CAMKMT: variants seen among roughly 807,000 people sequenced by gnomAD.
CAMKMT encodes the protein CaM KMT.
In CAMKMT, 53 loss-of-function variants were observed where a neutral mutation model predicts 48.0. That is an observed-to-expected ratio of 1.10 (90% CI 0.89 to 1.39). CAMKMT has a LOEUF of 1.39. CAMKMT is among the 40% of genes most tolerant of loss of function. CAMKMT has a pLI of 0.00. For missense variants in CAMKMT, 428 were observed against 402.7 expected (o/e 1.06, Z -0.54); for synonymous variants, 165 against 152.3 (o/e 1.08, Z -0.61).
chr2:44,626,805 C>T (rs1558754388), intron 3 of CAMKMT, among the ~76,000 whole-genome samples: 1 of 152,152 alleles, frequency 6.6e-6, no homozygotes, highest in African/African-American at 2.4e-5. Flanking sequence ...TTGCACGAGA[C>T]CATGTCCTGT....
At chr2:44,488,687 C>T (rs1203999673) in intron 3 of CAMKMT, among the ~76,000 whole-genome samples, 2 of 151,402 alleles carry the variant, frequency 1.3e-5, no homozygotes, top group African/African-American at 2.4e-5. Flanking sequence ...GGGTGACAAG[C>T]GAGATCCTCT....
At chr2:44,468,369 A>G (rs1429157000) in intron 3 of CAMKMT, among the ~76,000 whole-genome samples, 1 of 152,212 alleles carries the variant, frequency 6.6e-6, no homozygotes, top group Non-Finnish European at 1.5e-5. Context: ...TGGTGAGGAT[A>G]CAGAGAAGGG....
intron 8 of CAMKMT, among the ~76,000 whole-genome samples, chr2:44,748,697 C>T (rs1680022431): frequency 6.6e-6 from 1 of 151,802 alleles, no homozygotes; most frequent in Admixed American, 6.6e-5. Flanking sequence ...ACGGTGAAAC[C>T]CCATCTCTAC....
intron 7 of CAMKMT, among the ~76,000 whole-genome samples, chr2:44,742,756 A>C (rs756149136): frequency 8.0e-4 from 122 of 152,330 alleles, no homozygotes; most frequent in Middle Eastern, 3.4e-3. Context: ...CCTAGGGAAG[A>C]TATAGAAGAA....
intron 3 of CAMKMT, among the ~76,000 whole-genome samples, chr2:44,413,652 A>C (rs1400428388): frequency 7.0e-6 from 1 of 142,126 alleles, no homozygotes; most frequent in African/African-American, 2.5e-5. Flanking sequence ...ACTCCGTCTC[A>C]AAAAAAAAAA....
chr2:44,691,373 T>G (rs1273805578), intron 3 of CAMKMT, among the ~76,000 whole-genome samples: 3 of 152,246 alleles, frequency 2.0e-5, no homozygotes, highest in Non-Finnish European at 4.4e-5. Flanking sequence ...TGTCTTCCCC[T>G]CCCTGCTTCA....
At chr2:44,364,033 T>A (rs1481630376) in intron 1 of CAMKMT, among the ~76,000 whole-genome samples, 35 of 95,686 alleles carry the variant, frequency 3.7e-4, no homozygotes, top group African/African-American at 8.4e-4. Flanking sequence ...TTTTTTTTTT[T>A]AAATAAGATA....
At chr2:44,396,257 G>C (rs1014851113) in intron 3 of CAMKMT, among the ~76,000 whole-genome samples, 2 of 148,686 alleles carry the variant, frequency 1.3e-5, no homozygotes, top group Non-Finnish European at 3.0e-5. Context: ...TTAATAGATT[G>C]ACTAATTTAA....
intron 2 of CAMKMT, among the ~76,000 whole-genome samples, chr2:44,375,303 A>T (rs369291463): frequency 8.6e-5 from 13 of 151,956 alleles, no homozygotes; most frequent in Admixed American, 2.0e-4. Flanking sequence ...AGCAGTAATG[A>T]TGATTGAAAA....
At chr2:44,617,447 G>T (rs988345293) in intron 3 of CAMKMT, among the ~76,000 whole-genome samples, 2 of 152,154 alleles carry the variant, frequency 1.3e-5, no homozygotes, top group East Asian at 3.8e-4. Flanking sequence ...AGTTAAAAAA[G>T]AGTTATCCAG....
intron 3 of CAMKMT, among the ~76,000 whole-genome samples, chr2:44,648,405 A>C (rs1227024740): frequency 3.9e-5 from 6 of 152,278 alleles, no homozygotes; most frequent in African/African-American, 7.2e-5. Flanking sequence ...AAAGTACAAA[A>C]ATTTAAAATC....
At chr2:44,686,988 A>G (rs981752236) in intron 3 of CAMKMT, among the ~76,000 whole-genome samples, 1 of 152,278 alleles carries the variant, frequency 6.6e-6, no homozygotes, top group Non-Finnish European at 1.5e-5. Context: ...GTGATCATGT[A>G]AAAGTGTCTA....
At chr2:44,605,022 A>C (rs1339775746) in intron 3 of CAMKMT, among the ~76,000 whole-genome samples, 1 of 152,156 alleles carries the variant, frequency 6.6e-6, no homozygotes, top group African/African-American at 2.4e-5. Flanking sequence ...AGTTGAGGAC[A>C]TGCAATTACA....
intron 3 of CAMKMT, among the ~76,000 whole-genome samples, chr2:44,552,101 A>G (rs1017052288): frequency 1.3e-5 from 2 of 152,058 alleles, no homozygotes; most frequent in African/African-American, 2.4e-5. Context: ...AATAGTGTAC[A>G]TTGTTTTACC....
At chr2:44,589,633 C>G (rs58144403) in intron 3 of CAMKMT, among the ~76,000 whole-genome samples, 1 of 71,914 alleles carries the variant, frequency 1.4e-5, no homozygotes, top group East Asian at 2.5e-4. Flanking sequence ...CTCAGGGTTA[C>G]ATGGATTAAA....
intron 3 of CAMKMT, among the ~76,000 whole-genome samples, chr2:44,545,155 G>C (rs937373902): frequency 6.6e-6 from 1 of 152,106 alleles, no homozygotes; most frequent in African/African-American, 2.4e-5. Context: ...AGACCTCAAG[G>C]CTCTGTCACG....
chr2:44,648,607 C>T (rs1413249572), intron 3 of CAMKMT, among the ~76,000 whole-genome samples: 1 of 152,118 alleles, frequency 6.6e-6, no homozygotes, highest in East Asian at 1.9e-4. Flanking sequence ...TTTTAAAGAC[C>T]ATACACAGGG....
At chr2:44,491,291 A>T (rs1189562884) in intron 3 of CAMKMT, among the ~76,000 whole-genome samples, 2 of 152,150 alleles carry the variant, frequency 1.3e-5, no homozygotes, top group East Asian at 3.9e-4. Context: ...ATTCTAGGGC[A>T]ATGAAGTGAG....
intron 3 of CAMKMT, among the ~76,000 whole-genome samples, chr2:44,446,239 C>T (rs901505137): frequency 8.6e-5 from 13 of 151,944 alleles, no homozygotes; most frequent in South Asian, 4.2e-4. Flanking sequence ...TGAGCCACTG[C>T]GCCTGGCAAC....
Sources: allele counts gnomAD v4.1 joint callset (sites outside exome capture counted in the v4.1 genomes callset), GRCh38; gene constraint gnomAD v4.1.1; transcripts MANE v1.5; gene names NCBI Gene and HGNC (gene_info 2026-07-23, HGNC 2026-07-21).